Variants in TRPM6 observed in about 807,000 individuals in gnomAD.
TRPM6 encodes transient receptor potential cation channel subfamily M member 6, also known as channel kinase 2.
A neutral mutation model predicts 247.6 loss-of-function variants in TRPM6; 111 were observed. The ratio of observed to expected loss-of-function variants is 0.45; its 90% CI spans 0.38 to 0.52. The LOEUF (loss-of-function observed/expected upper bound fraction) is 0.52. Ranked by LOEUF, TRPM6 falls within the 20% of genes least tolerant of loss-of-function variation. The pLI is 0.00. For missense variants in TRPM6, 2,126 were observed against 2,421.5 expected, an observed-to-expected ratio of 0.88 and a Z score of 2.56; for synonymous variants, 892 against 853.8, an observed-to-expected ratio of 1.04 and a Z score of -0.78.
intron 23 of TRPM6, among the ~76,000 whole-genome samples, chr9:74,778,900 C>A (rs1448711894): frequency 1.3e-5 from 2 of 152,116 alleles, no homozygotes; most frequent in South Asian, 2.1e-4. Flanking sequence ...CCAGGCAACA[C>A]TCCTTCCCAA....
chr9:74,801,916 T>C lies in TRPM6; in HGVS notation c.1991A>G (p.Glu664Gly), dbSNP rs184870810. The C allele has an allele frequency of 1.2e-6, 2 of 1,614,200 alleles. No homozygotes were observed. The highest frequency in any genetic ancestry group is 1.7e-6 in the Non-Finnish European group (2 of 1,180,024). ...ESHMVDDASE[E>G]LKNYSKQFGQ... ...CACTTACTTTGAGTAATTCTTCAAC[T>C]CTTCTGAGGCATCATCCACCATGTG... is the stretch of plus-strand genomic sequence containing the variant. The change falls in exon 16 of 39, where the codon GAG becomes GGG. Residue 664 changes from glutamate to glycine, a missense_variant. Glu to Gly is a moderately conservative substitution (Grantham distance 98). Coordinates refer to ENST00000360774, the MANE Select transcript of TRPM6 (RefSeq NM_017662.5).
Position 74,868,357 on chromosome 9 carries a change from T to C in TRPM6, c.34-9609A>G, listed in dbSNP as rs531220641. The stretch of plus-strand genomic sequence containing the variant: ...TGAAAATACAAAAATTAGCTGGGCA[T>C]GGTGGTGCATGCCTGTAATCCCAGC... On this transcript the variant is annotated intron_variant, in intron 1 of 38. Transcript: ENST00000360774. Among the ~76,000 whole-genome samples the C allele has an allele frequency of 2.0e-4, 30 of 151,924 alleles. No individual in the cohort carries two copies. In the East Asian group the frequency reaches 5.8e-3, roughly 29 times the overall value.
At chr9:74,800,027 C>A (rs781277324) in intron 17 of TRPM6, 4 of 559,842 alleles carry the variant, frequency 7.1e-6, no homozygotes, top group African/African-American at 5.6e-5. Context: ...CAAAGCTGCA[C>A]GCTCTGTCGC....
chr9:74,745,767 A>G (rs1826025103), intron 31 of TRPM6, among the ~76,000 whole-genome samples: 1 of 152,168 alleles, frequency 6.6e-6, no homozygotes, highest in South Asian at 2.1e-4. Context: ...AGAACAGAGT[A>G]TTGTAGACTC....
At chr9:74,750,553 G>T in intron 30 of TRPM6, 111 bp downstream of exon 30, 1 of 953,036 alleles carries the variant, frequency 1.0e-6, no homozygotes, top group South Asian at 1.3e-5. Context: ...ATTGTCATTT[G>T]ACACACACTT....
At chr9:74,817,634 T>C (rs1451176950) in intron 9 of TRPM6, among the ~76,000 whole-genome samples, 1 of 152,202 alleles carries the variant, frequency 6.6e-6, no homozygotes, top group Non-Finnish European at 1.5e-5. Context: ...TTACTTATGG[T>C]TCCAAAGGGT....
chr9:74,807,743 G>C (rs1249265026), intron 14 of TRPM6, among the ~76,000 whole-genome samples: 2 of 151,976 alleles, frequency 1.3e-5, no homozygotes, highest in Non-Finnish European at 2.9e-5. Flanking sequence ...CCTCTAACCT[G>C]CCTCATCACA....
intron 7 of TRPM6, among the ~76,000 whole-genome samples, chr9:74,822,267 T>C (rs1829155732): frequency 6.6e-6 from 1 of 152,200 alleles, no homozygotes; most frequent in South Asian, 2.1e-4. Context: ...TTATTTTATA[T>C]AAGACAAGGT....
At chr9:74,790,572 T>C (rs1827866321) in intron 19 of TRPM6, among the ~76,000 whole-genome samples, 3 of 152,326 alleles carry the variant, frequency 2.0e-5, no homozygotes, top group African/African-American at 7.2e-5. Context: ...CCTACATAAC[T>C]GTAAGCTGTT....
chr9:74,879,993 G>A (rs1831311799), intron 1 of TRPM6, among the ~76,000 whole-genome samples: 1 of 152,018 alleles, frequency 6.6e-6, no homozygotes, highest in Non-Finnish European at 1.5e-5. Context: ...CTATCTTCAG[G>A]TAGATAGTGT....
chr9:74,755,294 C>T (rs1032372227), intron 28 of TRPM6, 59 bp downstream of exon 28: 48 of 1,592,892 alleles, frequency 3.0e-5, no homozygotes, highest in South Asian at 5.5e-5. Context: ...GTCTAAAGAC[C>T]GTACCCTGAG....
In TRPM6 at chr9:74,762,169, T is replaced by G; in HGVS notation, c.4502A>C (p.Asp1501Ala). The change falls in exon 26 of 39, where the codon GAT (aspartate) becomes GCT (alanine). Residue 1501 changes from aspartate (D) to alanine (A), a missense_variant. Physicochemically the swap from Asp to Ala is moderately radical, Grantham distance 126. Coordinates refer to ENST00000360774, the MANE Select transcript of TRPM6 (RefSeq NM_017662.5). ...QKQAQDSSLS[D>A]NSTRSAQSSE... is the part of the protein sequence containing the mutation. ...ACTCTGGGCCGATCTTGTTGAGTTA[T>G]CAGATAGGGAGCTGTCCTGGGCCTG... 6.2e-7 allele frequency: 1 copy of G among 1,614,180 alleles called. No homozygotes were observed. Among genetic ancestry groups the G allele is most frequent in the Non-Finnish European group, 8.5e-7 (1 of 1,180,010 alleles).
At chr9:74,759,911 A>G (rs1207764083) in intron 27 of TRPM6, among the ~76,000 whole-genome samples, 1 of 152,194 alleles carries the variant, frequency 6.6e-6, no homozygotes, top group Non-Finnish European at 1.5e-5. Flanking sequence ...TCACAACTTT[A>G]TAATAAGACA....
chr9:74,799,570 ACAT>A (rs1437489675), intron 17 of TRPM6, among the ~76,000 whole-genome samples: 1 of 115,960 alleles, frequency 8.6e-6, no homozygotes, highest in African/African-American at 2.7e-5. Flanking sequence ...ACACACACAC[ACAT>A]TGGGTAAGCA....
intron 3 of TRPM6, among the ~76,000 whole-genome samples, chr9:74,853,294 G>T (rs1338333542): frequency 6.6e-6 from 1 of 151,462 alleles, no homozygotes. Context: ...TCTCCGCCCG[G>T]CAGCCGCCCC....
At chr9:74,887,357 C>G (rs1272976113) in intron 1 of TRPM6, 10 of 1,394,760 alleles carry the variant, frequency 7.2e-6, no homozygotes, top group South Asian at 7.0e-5. Flanking sequence ...CCGCGACCCC[C>G]GGCTAGTCAG....
At chr9:74,746,737 A>G (rs1826058708) in intron 31 of TRPM6, among the ~76,000 whole-genome samples, 1 of 152,040 alleles carries the variant, frequency 6.6e-6, no homozygotes, top group Non-Finnish European at 1.5e-5. Context: ...TCAAGGGCAA[A>G]CGAAAGCATA....
chr9:74,777,293 TGG>T lies in TRPM6; in HGVS notation c.3210-1219_3210-1218del, dbSNP rs1438620327. ...GTGTATTTAAATTTTGGGGGTTGGT[TGG>T]TTGGTTTTTGTTTTTTTCAATTATT... On this transcript the variant is annotated intron_variant, in intron 23 of 38. Transcript: ENST00000360774. 6.6e-4 allele frequency among the ~76,000 whole-genome samples: 101 copies of T among 152,276 alleles called. 4 individuals carry two copies. In the South Asian group the frequency reaches 9.3e-3, roughly 14 times the overall value.
intron 25 of TRPM6, among the ~76,000 whole-genome samples, chr9:74,771,242 A>C (rs1224486820): frequency 6.6e-6 from 1 of 152,104 alleles, no homozygotes; most frequent in East Asian, 1.9e-4. Context: ...TAAACAGTCC[A>C]CTCAACCCCC....
Sources: gnomAD v4.1 joint callset for allele counts (sites outside exome capture counted in the v4.1 genomes callset) on GRCh38, gnomAD v4.1.1 for gene constraint, MANE v1.5 for transcripts, NCBI Gene and HGNC (gene_info 2026-07-23, HGNC 2026-07-21) for gene names.